CYRIA: variants seen among roughly 807,000 people sequenced by gnomAD.
The protein encoded by CYRIA is CYFIP related Rac1 interactor A.
In CYRIA, 15 loss-of-function variants were observed where a neutral mutation model predicts 43.9. That is an observed-to-expected ratio of 0.34 (90% confidence interval 0.23 to 0.53). The LOEUF (loss-of-function observed/expected upper bound fraction) is 0.53. Among genes scored for constraint, CYRIA ranks in the 20% least tolerant of loss-of-function variants. The pLI is 0.94. For synonymous variants in CYRIA, 117 were observed against 136.0 expected (o/e 0.86, Z 0.97); for missense variants, 236 against 394.2 (o/e 0.60, Z 3.40).
At chr2:16,614,466 C>A (rs1411114992) in intron 2 of CYRIA, among the ~76,000 whole-genome samples, 2 of 152,212 alleles carry the variant, frequency 1.3e-5, no homozygotes, top group Non-Finnish European at 2.9e-5. Context: ...TTAAACTTTC[C>A]CCTGTCGTCG....
At chr2:16,578,807 G>T (rs1307827974) in intron 3 of CYRIA, among the ~76,000 whole-genome samples, 3 of 151,866 alleles carry the variant, frequency 2.0e-5, no homozygotes, top group Non-Finnish European at 4.4e-5. Flanking sequence ...TATATAATTG[G>T]TGTCCCAGAA....
chr2:16,552,270 T>C lies in CYRIA; in HGVS notation c.*666A>G, dbSNP rs1666340582. The stretch of plus-strand genomic sequence containing the variant: ...CCAGTGGCAACAGCACATCTATCTA[T>C]TTCTGCTGCTCTCCCACTAACTGAA... On this transcript the variant is annotated 3_prime_UTR_variant, in exon 12 of 12. Coordinates refer to ENST00000381323, the MANE Select transcript of CYRIA (RefSeq NM_030797.4). The C allele has an allele frequency of 6.6e-6, 1 of 151,950 alleles. No individual in the cohort carries two copies. The highest frequency in any genetic ancestry group is 1.5e-5 in the Non-Finnish European group (1 of 68,018). The allele number at this position is 151,950 out of a possible 1,614,324, so 9.4% of individuals were successfully genotyped here.
chr2:16,638,028 G>A (rs1207148659), intron 1 of CYRIA, among the ~76,000 whole-genome samples: 1 of 152,170 alleles, frequency 6.6e-6, no homozygotes, highest in Non-Finnish European at 1.5e-5. Flanking sequence ...GGTAACGGGG[G>A]GTGATGGGTG....
intron 1 of CYRIA, among the ~76,000 whole-genome samples, chr2:16,627,302 G>T (rs1669202423): frequency 6.6e-6 from 1 of 152,252 alleles, no homozygotes; most frequent in African/African-American, 2.4e-5. Flanking sequence ...AGCCCAGGGT[G>T]GGGCATGCTT....
rs574238223 is a variant in CYRIA at position 16,639,998 on chromosome 2, C to T, written c.-166-15979G>A. 2.0e-5 allele frequency among the ~76,000 whole-genome samples: 3 copies of T among 152,252 alleles called. No individual in the cohort carries two copies. The East Asian group carries it at 5.8e-4, about 29-fold the overall frequency. On this transcript the variant is annotated intron_variant, in intron 1 of 11. Transcript: ENST00000381323. Reference sequence around the variant, plus strand: ...TTTTTTATCTTTTAAATTGAAGAGGCAGCATATCATCCAGTTTCAGTTTTA... The same window carrying T: ...TTTTTTATCTTTTAAATTGAAGAGGTAGCATATCATCCAGTTTCAGTTTTA...
At chr2:16,589,650 A>G (rs1255008230) in intron 2 of CYRIA, among the ~76,000 whole-genome samples, 1 of 152,134 alleles carries the variant, frequency 6.6e-6, no homozygotes, top group Non-Finnish European at 1.5e-5. Context: ...AGATAAAAGT[A>G]TAAAATGCTT....
chr2:16,656,921 G>A (rs973801025), intron 1 of CYRIA, among the ~76,000 whole-genome samples: 2 of 152,276 alleles, frequency 1.3e-5, no homozygotes, highest in African/African-American at 4.8e-5. Context: ...AGAAACACTA[G>A]AGCTGTGGAA....
At chr2:16,608,677 G>T (rs1229498121) in intron 2 of CYRIA, among the ~76,000 whole-genome samples, 1 of 150,782 alleles carries the variant, frequency 6.6e-6, no homozygotes, top group Admixed American at 6.6e-5. Flanking sequence ...AAGTAAGTAA[G>T]ATAATGCAGG....
intron 2 of CYRIA, among the ~76,000 whole-genome samples, chr2:16,589,808 G>T (rs1420606374): frequency 6.6e-6 from 1 of 151,984 alleles, no homozygotes; most frequent in Non-Finnish European, 1.5e-5. Flanking sequence ...ATTATAATAG[G>T]CCGTATGCTG....
intron 3 of CYRIA, among the ~76,000 whole-genome samples, chr2:16,587,692 C>A (rs753793440): frequency 6.6e-6 from 1 of 151,976 alleles, no homozygotes; most frequent in African/African-American, 2.4e-5. Flanking sequence ...ATCATGGGGA[C>A]GGGTCTTCCC....
chr2:16,563,998 T>C lies in CYRIA; in HGVS notation c.289A>G (p.Ile97Val), dbSNP rs759325566. The C allele has an allele frequency of 2.9e-5, 47 of 1,612,448 alleles. No individual in the cohort carries two copies. The highest frequency in any genetic ancestry group is 6.7e-5 in the East Asian group (3 of 44,864). The part of the protein sequence containing the change: ...VRLKRFYEFS[I>V]RLEKALQSLL... ...ACAAATACATACTCACCTAGTCTAATGGAAAACTCGTAAAATCTCTTTAGC... is the reference window on the plus strand; with the variant it reads ...ACAAATACATACTCACCTAGTCTAACGGAAAACTCGTAAAATCTCTTTAGC... Residue 97 changes from isoleucine (I) to valine (V), a missense_variant, in exon 5 of 12, where the codon ATT (isoleucine) becomes GTT (valine). Physicochemically the swap from Ile to Val is conservative, Grantham distance 29. Coordinates refer to ENST00000381323, the MANE Select transcript of CYRIA (RefSeq NM_030797.4).
chr2:16,653,743 G>A (rs1316020365), intron 1 of CYRIA, among the ~76,000 whole-genome samples: 2 of 152,162 alleles, frequency 1.3e-5, no homozygotes, highest in Admixed American at 1.3e-4. Context: ...CGGGGACCTG[G>A]GGAAGGTTTA....
intron 3 of CYRIA, among the ~76,000 whole-genome samples, chr2:16,576,634 T>A (rs1052940673): frequency 1.3e-5 from 2 of 152,244 alleles, no homozygotes; most frequent in Admixed American, 1.3e-4. Context: ...GCATTATTGA[T>A]GTTGGTCATT....
At chr2:16,659,369 C>T (rs1029478619) in intron 1 of CYRIA, among the ~76,000 whole-genome samples, 2 of 152,232 alleles carry the variant, frequency 1.3e-5, no homozygotes, top group Admixed American at 6.5e-5. Flanking sequence ...TCTGGACTTC[C>T]ATTCGCCCAT....
chr2:16,619,460 G>C (rs73918619), intron 2 of CYRIA, among the ~76,000 whole-genome samples: 12 of 152,150 alleles, frequency 7.9e-5, no homozygotes, highest in African/African-American at 2.9e-4. Context: ...AGGGAAGGTA[G>C]CAGGGGAAAT....
intron 1 of CYRIA, among the ~76,000 whole-genome samples, chr2:16,662,689 G>T (rs904301493): frequency 3.9e-5 from 6 of 152,160 alleles, no homozygotes; most frequent in African/African-American, 1.4e-4. Flanking sequence ...CTGCTCACAA[G>T]GGCTGATGTG....
intron 2 of CYRIA, among the ~76,000 whole-genome samples, chr2:16,623,328 C>T (rs1168802657): frequency 3.3e-5 from 5 of 152,104 alleles, no homozygotes; most frequent in South Asian, 2.1e-4. Context: ...GGGAGAGAGA[C>T]GAGCAATAAG....
chr2:16,583,749 A>T (rs145249595), intron 3 of CYRIA, among the ~76,000 whole-genome samples: 2 of 152,296 alleles, frequency 1.3e-5, no homozygotes, highest in Non-Finnish European at 2.9e-5. Context: ...CAAAGAGGAC[A>T]TGGAGACATG....
intron 2 of CYRIA, among the ~76,000 whole-genome samples, chr2:16,608,121 T>C (rs978515244): frequency 2.6e-5 from 4 of 152,134 alleles, no homozygotes; most frequent in African/African-American, 9.6e-5. Context: ...GTCCCACACA[T>C]CGCATTATTC....
Sources: allele counts gnomAD v4.1 joint callset (sites outside exome capture counted in the v4.1 genomes callset), GRCh38; gene constraint gnomAD v4.1.1; transcripts MANE v1.5; gene names NCBI Gene and HGNC (gene_info 2026-07-23, HGNC 2026-07-21).